DRC11: variants seen among roughly 807,000 people sequenced by gnomAD.
DRC11 encodes the protein IQ and AAA domain-containing protein 1.
At chr2:236,438,679 G>A in the DRC11 span, among the ~76,000 whole-genome samples, 21 of 152,070 alleles carry the variant, frequency 1.4e-4, no homozygotes, top group South Asian at 2.9e-3. Context: ...AGTTAACAAG[G>A]ATACCCAGGA....
chr2:236,409,118 T>C, the DRC11 span: 5 of 391,760 alleles, frequency 1.3e-5, no homozygotes, highest in Non-Finnish European at 2.3e-5. Context: ...ATTTTTTTTC[T>C]TTTTTTGAGA....
the DRC11 span, chr2:236,408,306 T>C: frequency 1.3e-6 from 1 of 796,360 alleles, no homozygotes; most frequent in Non-Finnish European, 2.3e-6. This position sits in a 1 kb window ranked among gnomAD's most constrained non-coding sequence, Gnocchi z 5.5. Context: ...CAGGATGCCA[T>C]GCCCCAATCC....
chr2:236,331,263 C>A, the DRC11 span: 1 of 902,724 alleles, frequency 1.1e-6, no homozygotes, highest in South Asian at 1.4e-5. The surrounding 1 kb of genome is among the most constrained non-coding windows in gnomAD (Gnocchi z 4.8). Context: ...TGTATATGGC[C>A]GAGTTCCAAT....
chr2:236,485,179 T>C, the DRC11 span, among the ~76,000 whole-genome samples: 9 of 152,216 alleles, frequency 5.9e-5, no homozygotes, highest in South Asian at 1.7e-3. Context: ...CACCTAATAG[T>C]TTTTAACCTG....
chr2:236,350,544 G>A, the DRC11 span, among the ~76,000 whole-genome samples: 8 of 152,210 alleles, frequency 5.3e-5, no homozygotes, highest in Admixed American at 1.3e-4. The surrounding 1 kb of genome is among the most constrained non-coding windows in gnomAD (Gnocchi z 5.2). Flanking sequence ...CACAGCCAGC[G>A]GCTCTCCCCT....
At chr2:236,370,963 A>T in the DRC11 span, among the ~76,000 whole-genome samples, 13 of 152,142 alleles carry the variant, frequency 8.5e-5, no homozygotes, top group Non-Finnish European at 1.5e-4. The surrounding 1 kb of genome is among the most constrained non-coding windows in gnomAD (Gnocchi z 5.5). Flanking sequence ...GATTCTAATG[A>T]CTGTTGGGAG....
the DRC11 span, among the ~76,000 whole-genome samples, chr2:236,367,242 AATATG>A: frequency 6.7e-6 from 1 of 148,580 alleles, no homozygotes; most frequent in Non-Finnish European, 1.5e-5. The surrounding 1 kb of genome is among the most constrained non-coding windows in gnomAD (Gnocchi z 4.8). Flanking sequence ...TTGCCCCTCA[AATATG>A]ATATATTTGT....
chr2:236,474,173 C>G, the DRC11 span, among the ~76,000 whole-genome samples: 1 of 151,766 alleles, frequency 6.6e-6, no homozygotes, highest in Non-Finnish European at 1.5e-5. Flanking sequence ...CAATGGTGTA[C>G]AATTTCAATA....
the DRC11 span, among the ~76,000 whole-genome samples, chr2:236,475,788 T>C: frequency 2.0e-5 from 3 of 152,198 alleles, no homozygotes; most frequent in Non-Finnish European, 4.4e-5. The surrounding 1 kb of genome is among the most constrained non-coding windows in gnomAD (Gnocchi z 4.8). Context: ...CTTCTGCATA[T>C]GGTTATCCAG....
At chr2:236,416,731 A>ATATATATATATATATTTT in the DRC11 span, among the ~76,000 whole-genome samples, 64 of 42,976 alleles carry the variant, frequency 1.5e-3, no homozygotes, top group Non-Finnish European at 2.4e-3. Flanking sequence ...TTATATATAT[A>ATATATATATATATATTTT]TATATATATA....
At chr2:236,478,413 A>G in the DRC11 span, among the ~76,000 whole-genome samples, 1 of 152,162 alleles carries the variant, frequency 6.6e-6, no homozygotes, top group Non-Finnish European at 1.5e-5. This position sits in a 1 kb window ranked among gnomAD's most constrained non-coding sequence, Gnocchi z 5.9. Context: ...AAAATACTTG[A>G]TATGATTTCA....
At chr2:236,473,336 C>T in the DRC11 span, among the ~76,000 whole-genome samples, 3 of 152,282 alleles carry the variant, frequency 2.0e-5, no homozygotes, top group African/African-American at 2.4e-5. This position sits in a 1 kb window ranked among gnomAD's most constrained non-coding sequence, Gnocchi z 4.8. Flanking sequence ...GAGAGGGCCA[C>T]GCTCATTTGG....
chr2:236,340,778 C>G, the DRC11 span, among the ~76,000 whole-genome samples: 1 of 152,174 alleles, frequency 6.6e-6, no homozygotes, highest in East Asian at 1.9e-4. Flanking sequence ...ATGGCAGGGA[C>G]ATTTGAAATG....
chr2:236,380,807 A>G, the DRC11 span, among the ~76,000 whole-genome samples: 3 of 152,294 alleles, frequency 2.0e-5, no homozygotes, highest in African/African-American at 7.2e-5. This position sits in a 1 kb window ranked among gnomAD's most constrained non-coding sequence, Gnocchi z 4.9. Context: ...CTGGCCTGGA[A>G]AATCCCAAGT....
the DRC11 span, among the ~76,000 whole-genome samples, chr2:236,491,142 G>GTATATATATATACACAGTATATATA: frequency 5.1e-5 from 2 of 39,362 alleles, no homozygotes; most frequent in African/African-American, 2.8e-4. Flanking sequence ...TATATATACA[G>GTATATATATATACACAGTATATATA]TATATATATA....
chr2:236,329,253 C>CA, the DRC11 span, among the ~76,000 whole-genome samples: 1 of 152,200 alleles, frequency 6.6e-6, no homozygotes, highest in African/African-American at 2.4e-5. Flanking sequence ...CTTAATCCCC[C>CA]TGTGCCGTGT....
At chr2:236,383,340 T>A in the DRC11 span, among the ~76,000 whole-genome samples, 1 of 152,212 alleles carries the variant, frequency 6.6e-6, no homozygotes, top group Non-Finnish European at 1.5e-5. Context: ...CATCTTTTTC[T>A]TAGTCTAGCA....
At chr2:236,363,864 G>C in the DRC11 span, 1 of 1,613,984 alleles carries the variant, frequency 6.2e-7, no homozygotes, top group South Asian at 1.1e-5. This position sits in a 1 kb window ranked among gnomAD's most constrained non-coding sequence, Gnocchi z 5.6. Flanking sequence ...AGTTGAAGAG[G>C]TTGGCTCCCG....
At chr2:236,406,114 C>A in the DRC11 span, among the ~76,000 whole-genome samples, 2 of 152,146 alleles carry the variant, frequency 1.3e-5, no homozygotes, top group African/African-American at 2.4e-5. This position sits in a 1 kb window ranked among gnomAD's most constrained non-coding sequence, Gnocchi z 4.7. Context: ...ACATGGAGAA[C>A]GTTTCTAAAG....
Sources: allele counts gnomAD v4.1 joint callset (sites outside exome capture counted in the v4.1 genomes callset), GRCh38; gene constraint gnomAD v4.1.1; non-coding constraint Gnocchi (gnomAD v3.1); transcripts MANE v1.5; gene names NCBI Gene and HGNC (gene_info 2026-07-23, HGNC 2026-07-21).